The following PRP4K variants were observed in gnomAD, a reference collection of about 807,000 sequenced individuals.
PRP4K encodes pre-mRNA processing factor kinase PRP4K.
the PRP4K span, among the ~76,000 whole-genome samples, chr6:4,028,346 T>G: frequency 5.3e-5 from 8 of 152,120 alleles, no homozygotes; most frequent in African/African-American, 1.9e-4. Context: ...TAACTGGGAC[T>G]ACAAGCACAT....
chr6:4,029,012 CTTTT>C, the PRP4K span, among the ~76,000 whole-genome samples: 10 of 132,478 alleles, frequency 7.5e-5, no homozygotes, highest in African/African-American at 2.5e-4. Flanking sequence ...TACTTGGAAT[CTTTT>C]TTTTTTTTTT....
At chr6:4,044,155 G>A in the PRP4K span, 6 of 728,130 alleles carry the variant, frequency 8.2e-6, no homozygotes, top group Admixed American at 1.7e-4. Flanking sequence ...GAATATTGCA[G>A]TAATATAATA....
chr6:4,042,780 A>G, the PRP4K span, among the ~76,000 whole-genome samples: 1 of 152,196 alleles, frequency 6.6e-6, no homozygotes, highest in African/African-American at 2.4e-5. Context: ...CTGGTTGTTT[A>G]TACATAGAAT....
chr6:4,037,193 A>G, the PRP4K span, among the ~76,000 whole-genome samples: 94 of 152,272 alleles, frequency 6.2e-4, no homozygotes, highest in African/African-American at 2.2e-3. Flanking sequence ...GTGGGACCAG[A>G]GGAAATAAGA....
At chr6:4,022,578 C>G in the PRP4K span, among the ~76,000 whole-genome samples, 1 of 151,886 alleles carries the variant, frequency 6.6e-6, no homozygotes, top group African/African-American at 2.4e-5. Flanking sequence ...GAAATCTTTG[C>G]CACCAGACAA....
the PRP4K span, among the ~76,000 whole-genome samples, chr6:4,036,920 A>G: frequency 6.7e-6 from 1 of 148,582 alleles, no homozygotes; most frequent in Non-Finnish European, 1.5e-5. Flanking sequence ...TGGGAGGTCA[A>G]GGCTGCAGTG....
the PRP4K span, among the ~76,000 whole-genome samples, chr6:4,041,980 A>G: frequency 6.6e-6 from 1 of 152,200 alleles, no homozygotes; most frequent in African/African-American, 2.4e-5. Context: ...TTTGAGGGTT[A>G]GTGCGGAGGG....
the PRP4K span, among the ~76,000 whole-genome samples, chr6:4,048,089 A>G: frequency 5.3e-5 from 8 of 152,016 alleles, no homozygotes; most frequent in Non-Finnish European, 1.0e-4. Flanking sequence ...ATAAAGAATC[A>G]TCAGAAGGGC....
the PRP4K span, among the ~76,000 whole-genome samples, chr6:4,054,137 A>G: frequency 6.6e-6 from 1 of 152,124 alleles, no homozygotes; most frequent in African/African-American, 2.4e-5. Flanking sequence ...CCTGGGCTCA[A>G]GCAATCCTCC....
chr6:4,052,482 ATCTT>A, the PRP4K span, among the ~76,000 whole-genome samples: 1 of 152,218 alleles, frequency 6.6e-6, no homozygotes, highest in Non-Finnish European at 1.5e-5. Context: ...TACCTTGCAT[ATCTT>A]TCTTCTTACC....
the PRP4K span, among the ~76,000 whole-genome samples, chr6:4,054,282 A>G: frequency 6.6e-6 from 1 of 151,924 alleles, no homozygotes; most frequent in African/African-American, 2.4e-5. Flanking sequence ...TATTTAATTC[A>G]TATTTCTTTT....
chr6:4,047,905 C>CAA, the PRP4K span, among the ~76,000 whole-genome samples: 1 of 21,512 alleles, frequency 4.6e-5, no homozygotes, highest in Non-Finnish European at 1.3e-4. Context: ...TATATGTACA[C>CAA]ACACACACAC....
At chr6:4,058,744 T>G in the PRP4K span, 2 of 1,613,106 alleles carry the variant, frequency 1.2e-6, no homozygotes, top group Admixed American at 3.3e-5. Context: ...CGAAAAGGTG[T>G]GTTCAAAGAT....
the PRP4K span, among the ~76,000 whole-genome samples, chr6:4,053,898 TG>T: frequency 1.0e-5 from 1 of 99,270 alleles, no homozygotes; most frequent in African/African-American, 4.0e-5. Flanking sequence ...TTTTTTCTTT[TG>T]TTTTTTTTGT....
At chr6:4,058,841 T>C in the PRP4K span, 1 of 1,532,760 alleles carries the variant, frequency 6.5e-7, no homozygotes, top group African/African-American at 1.4e-5. Flanking sequence ...CAGCATGCAA[T>C]AGTTATTTTA....
At chr6:4,052,738 G>A in the PRP4K span, 12 of 1,592,184 alleles carry the variant, frequency 7.5e-6, no homozygotes, top group South Asian at 1.1e-5. Flanking sequence ...TACGAGAGGT[G>A]TTAAAAAAAT....
chr6:4,060,630 A>G, the PRP4K span: 1 of 1,604,390 alleles, frequency 6.2e-7, no homozygotes, highest in African/African-American at 1.3e-5. This position sits in a 1 kb window ranked among gnomAD's most constrained non-coding sequence, Gnocchi z 4.7. Context: ...AGATGAAGAA[A>G]CTCCAAGGGT....
chr6:4,041,439 T>C, the PRP4K span, among the ~76,000 whole-genome samples: 6 of 152,264 alleles, frequency 3.9e-5, no homozygotes, highest in Middle Eastern at 0.01. Context: ...GGCACACGCC[T>C]GTAGTCAGGA....
chr6:4,051,801 A>C, the PRP4K span, among the ~76,000 whole-genome samples: 2 of 152,234 alleles, frequency 1.3e-5, no homozygotes, highest in African/African-American at 4.8e-5. Flanking sequence ...TGATATATAG[A>C]GACACCATTT....
Sources: gnomAD v4.1 joint callset for allele counts (sites outside exome capture counted in the v4.1 genomes callset) on GRCh38, gnomAD v4.1.1 for gene constraint, Gnocchi (gnomAD v3.1) non-coding constraint, MANE v1.5 for transcripts, NCBI Gene and HGNC (gene_info 2026-07-23, HGNC 2026-07-21) for gene names.